The following ZFR variants were observed in gnomAD, a reference collection of about 807,000 sequenced individuals.
ZFR encodes the protein zinc finger RNA-binding protein.
Under a neutral mutation model 130.7 loss-of-function variants are expected in ZFR, and 19 were observed. That is an observed-to-expected ratio of 0.15 (90% CI 0.10 to 0.21). The LOEUF is 0.21. ZFR is among the 10% of genes least tolerant of loss of function. The pLI, the probability that ZFR is intolerant of heterozygous loss-of-function variation, is 1.00. For synonymous variants in ZFR, 466 were observed against 456.9 expected (o/e 1.02, Z -0.25); for missense variants, 872 against 1,321.5 (o/e 0.66, Z 5.27).
rs70961626 is a variant in ZFR, at chr5:32,397,849, C to CTTTTTTTTTTTTTTTTTT, written c.1714-529_1714-512dup. Among the ~76,000 whole-genome samples, 15 of 66,878 alleles carry CTTTTTTTTTTTTTTTTTT rather than the reference C, an allele frequency of 2.2e-4. 3 individuals carry two copies. The highest frequency in any genetic ancestry group is 9.4e-4 in the African/African-American group (15 of 15,910). 43.9% of individuals were successfully genotyped at this position (66,878 alleles called of 152,430 possible). ...TGATAGCATGTGTTTGCTCTTGTAT[C>CTTTTTTTTTTTTTTTTTT]TTTTTTTTTTTTTTTTTTTTTTTTT... On this transcript the variant is annotated intron_variant, in intron 9 of 19. Transcript: ENST00000265069.
chr5:32,407,134 A>T, intron 5 of ZFR, 113 bp from the exon 6 acceptor site: 1 of 979,022 alleles, frequency 1.0e-6, no homozygotes, highest in Non-Finnish European at 1.4e-6. Flanking sequence ...TTACATGTGC[A>T]TATTTACAAA....
intron 2 of ZFR, among the ~76,000 whole-genome samples, chr5:32,426,227 T>C (rs1754068987): frequency 6.6e-6 from 1 of 152,052 alleles, no homozygotes; most frequent in Admixed American, 6.5e-5. Flanking sequence ...CTCTTAACCA[T>C]CACATCTACT....
At chr5:32,364,960 C>G (rs1478288477) in intron 17 of ZFR, 1 of 152,144 alleles carries the variant, frequency 6.6e-6, no homozygotes, top group Non-Finnish European at 1.5e-5. Context: ...TTTTCATGAT[C>G]TCCAAAAGAA....
chr5:32,371,456 G>C (rs2111683254), intron 17 of ZFR, among the ~76,000 whole-genome samples: 1 of 152,344 alleles, frequency 6.6e-6, no homozygotes, highest in Non-Finnish European at 1.5e-5. Context: ...GCCAGTGACA[G>C]AGAACATTCC....
chr5:32,439,195 T>C (rs979184963), intron 2 of ZFR, among the ~76,000 whole-genome samples: 1 of 152,212 alleles, frequency 6.6e-6, no homozygotes, highest in Non-Finnish European at 1.5e-5. Flanking sequence ...GGTCTCTGAT[T>C]CAACAATGGA....
At position 32,436,140 on chromosome 5, in the gene ZFR, C is replaced by CTTT. The variant is rs370998112; in HGVS notation, c.137+8086_137+8088dup. On this transcript the variant is annotated intron_variant, in intron 2 of 19. Coordinates refer to ENST00000265069, the MANE Select transcript of ZFR (RefSeq NM_016107.5). Reference sequence around the variant, plus strand: ...TAAAGTTGGTAACCACAGTTGTATTCTTTTTTTTTTTTTTTTTTTTTTTTT... The same window carrying CTTT: ...TAAAGTTGGTAACCACAGTTGTATTCTTTTTTTTTTTTTTTTTTTTTTTTTTTT... 1.4e-3 allele frequency among the ~76,000 whole-genome samples: 128 copies of CTTT among 91,790 alleles called. 24 individuals carry two copies. Among genetic ancestry groups the CTTT allele is most frequent in the African/African-American group, 3.6e-3 (79 of 22,168 alleles). 60.2% of individuals were successfully genotyped at this position (91,790 alleles called of 152,430 possible).
At chr5:32,418,891 T>C (rs964287730) in intron 3 of ZFR, among the ~76,000 whole-genome samples, 2 of 152,160 alleles carry the variant, frequency 1.3e-5, no homozygotes, top group African/African-American at 2.4e-5. Flanking sequence ...AAGCAAGTAG[T>C]AATCTAGCAC....
At chr5:32,420,157 A>T in intron 2 of ZFR, 54 bp from the exon 3 acceptor site, 1 of 1,376,864 alleles carries the variant, frequency 7.3e-7, no homozygotes, top group East Asian at 2.5e-5. Context: ...TCCAGGAGTT[A>T]ACCAACTTCA....
intron 15 of ZFR, among the ~76,000 whole-genome samples, chr5:32,382,890 G>T (rs2111716551): frequency 6.6e-6 from 1 of 152,038 alleles, no homozygotes; most frequent in Non-Finnish European, 1.5e-5. Flanking sequence ...CTTATATTCT[G>T]CTAAAATCAT....
intron 15 of ZFR, among the ~76,000 whole-genome samples, chr5:32,381,922 A>T (rs763210922): frequency 5.9e-5 from 9 of 152,196 alleles, no homozygotes; most frequent in Non-Finnish European, 1.2e-4. Flanking sequence ...TGAACCTAGA[A>T]ATAACCTGAA....
At chr5:32,408,466 G>A (rs1753627009) in intron 5 of ZFR, among the ~76,000 whole-genome samples, 2 of 152,124 alleles carry the variant, frequency 1.3e-5, no homozygotes, top group Admixed American at 1.3e-4. Context: ...AAGAACTGAA[G>A]TCATTTGGAA....
intron 5 of ZFR, among the ~76,000 whole-genome samples, chr5:32,411,714 G>GGGGGC (rs138920140): frequency 0.22 from 11,882 of 54,506 alleles, 3,459 homozygotes; most frequent in Middle Eastern, 0.41. Flanking sequence ...AATTGAGGGG[G>GGGGGC]GGCGGGGAAT....
rs1026583924 is a variant in ZFR at position 32,426,971 on chromosome 5, T to A, written c.138-6868A>T. Among the ~76,000 whole-genome samples, 6 of 150,208 alleles carry A rather than the reference T, an allele frequency of 4.0e-5. No individual in the cohort carries two copies. The East Asian group carries it at 1.2e-3, about 29-fold the overall frequency. ...TCTGTTCACAGATGACATCATTTTA[T>A]ACATGGAAAACACTAAACACTCCAC... On this transcript the variant is annotated intron_variant, in intron 2 of 19. Coordinates refer to ENST00000265069, the MANE Select transcript of ZFR (RefSeq NM_016107.5).
intron 12 of ZFR, among the ~76,000 whole-genome samples, chr5:32,389,843 C>G (rs543216237): frequency 6.6e-6 from 1 of 152,166 alleles, no homozygotes; most frequent in Non-Finnish European, 1.5e-5. Flanking sequence ...AGGAAAGATT[C>G]TAAATCAGAT....
intron 17 of ZFR, among the ~76,000 whole-genome samples, chr5:32,375,083 G>C (rs1445199507): frequency 6.6e-6 from 1 of 152,132 alleles, no homozygotes; most frequent in Non-Finnish European, 1.5e-5. Flanking sequence ...TTGGCAAGCA[G>C]AACTTAAGAG....
At chr5:32,394,725 T>TTA (rs1219090905) in intron 11 of ZFR, among the ~76,000 whole-genome samples, 6 of 152,060 alleles carry the variant, frequency 3.9e-5, no homozygotes, top group East Asian at 1.9e-4. Context: ...ATTTGTATCT[T>TTA]TATATATATA....
intron 6 of ZFR, 114 bp downstream of exon 6, chr5:32,406,660 G>A: frequency 1.4e-6 from 2 of 1,395,044 alleles, no homozygotes; most frequent in South Asian, 1.9e-5. Flanking sequence ...AAAATGCACT[G>A]GCTAAAAGCT....
chr5:32,417,001 G>A (rs1208728648), intron 4 of ZFR, among the ~76,000 whole-genome samples: 1 of 147,686 alleles, frequency 6.8e-6, no homozygotes, highest in African/African-American at 2.5e-5. Flanking sequence ...TCATGTTAGT[G>A]TGCTGCACCC....
At chr5:32,385,137 A>C (rs1243176439) in intron 15 of ZFR, among the ~76,000 whole-genome samples, 3 of 152,074 alleles carry the variant, frequency 2.0e-5, no homozygotes, top group Non-Finnish European at 4.4e-5. Flanking sequence ...CAAGAGCAAA[A>C]ACTTCTTAAT....
Sources: gnomAD v4.1 joint callset for allele counts (sites outside exome capture counted in the v4.1 genomes callset) on GRCh38, gnomAD v4.1.1 for gene constraint, MANE v1.5 for transcripts, NCBI Gene and HGNC (gene_info 2026-07-23, HGNC 2026-07-21) for gene names.